NBPF26: variants seen among roughly 807,000 people sequenced by gnomAD.
NBPF26 encodes NBPF member 26, also known as NBPF family member NBPF26.
In NBPF26, 79 loss-of-function variants were observed where a neutral mutation model predicts 119.6. The ratio of observed to expected loss-of-function variants is 0.66; its 90% CI spans 0.55 to 0.80. NBPF26 has a LOEUF of 0.80. Ranked by LOEUF, NBPF26 falls within the 30% of genes least tolerant of loss-of-function variation. The probability of loss-of-function intolerance (pLI) is 0.00; values close to 1 mark genes in which losing one functional copy is unlikely to be tolerated. For synonymous variants in NBPF26, 299 were observed against 457.7 expected (o/e 0.65, Z 4.43); for missense variants, 800 against 1,198.2 (o/e 0.67, Z 4.91).
In NBPF26 at chr1:120,805,584, C is replaced by T. The variant is rs1553269692; in HGVS notation, c.780C>T (p.Asn260=). 4.7e-5 allele frequency: 68 copies of T among 1,454,648 alleles called. 15 individuals carry two copies. Among genetic ancestry groups the T allele is most frequent in the Middle Eastern group, 4.7e-4 (2 of 4,250 alleles). 90.1% of individuals were successfully genotyped at this position (1,454,648 alleles called of 1,614,324 possible). ...CTGACTCCACCTCTTCTGCCACAAACGTCAGCATGGTGGTATCAGCCGGCC... is the reference window on the plus strand; with the variant it reads ...CTGACTCCACCTCTTCTGCCACAAATGTCAGCATGGTGGTATCAGCCGGCC... The change falls in exon 5 of 30, where the codon AAC becomes AAT. Residue 260 remains asparagine (N), a synonymous_variant. Transcript: ENST00000620612.
At chr1:120,811,187 G>A (rs1651855330) in intron 9 of NBPF26, among the ~76,000 whole-genome samples, 1 of 105,800 alleles carries the variant, frequency 9.5e-6, no homozygotes, top group East Asian at 2.2e-4. Context: ...ACCGGAGCTT[G>A]CAGTGAGCCA....
chr1:120,808,782 T>A, intron 7 of NBPF26, 23 bp downstream of exon 7: 2 of 515,532 alleles, frequency 3.9e-6, no homozygotes, highest in South Asian at 4.0e-5. Context: ...TAGGCCCTGA[T>A]GACCCAAAAC....
At chr1:120,842,180 G>C (rs1370472658), downstream of NBPF26, among the ~76,000 whole-genome samples, 2 of 107,964 alleles carry the variant, frequency 1.9e-5, no homozygotes, top group Non-Finnish European at 3.5e-5. Flanking sequence ...GTTTTGGTGG[G>C]TACTGATGCG....
chr1:120,760,185 T>A, intron 1 of NBPF26, among the ~76,000 whole-genome samples: 1 of 51,722 alleles, frequency 1.9e-5, no homozygotes, highest in South Asian at 5.3e-4. Flanking sequence ...CACAGCTTTT[T>A]TTTTTTTTTT....
chr1:120,804,932 T>C (rs1202485278), intron 4 of NBPF26, among the ~76,000 whole-genome samples: 1 of 120,292 alleles, frequency 8.3e-6, no homozygotes, highest in Non-Finnish European at 1.6e-5. Context: ...GCTAAAAGTT[T>C]GATATCTTAC....
rs1285952382 is a variant in NBPF26 at position 120,778,298 on chromosome 1, C to T, written c.156-6676C>T. Among the ~76,000 whole-genome samples the T allele has an allele frequency of 5.9e-4, 38 of 64,944 alleles. 7 individuals carry two copies. Among genetic ancestry groups the T allele is most frequent in the Admixed American group, 1.9e-3 (13 of 6,684 alleles). The allele number at this position is 64,944 out of a possible 152,430, so 42.6% of individuals were successfully genotyped here. A position where few individuals can be genotyped will look rare whatever the true frequency, so the allele number is the denominator to read the frequency against. The stretch of plus-strand genomic sequence containing the variant: ...GCTCAGCTAGGGCAGGCTGCCACTG[C>T]GGATTGGGGGGCCAAGAGGCCCAGC... On this transcript the variant is annotated intron_variant, in intron 2 of 29. Transcript: ENST00000620612.
chr1:120,840,356 C>T lies in NBPF26; in HGVS notation c.4110C>T (p.Asn1370=), dbSNP rs1553273408. The T allele has an allele frequency of 5.0e-5, 73 of 1,450,060 alleles. 17 individuals carry two copies. In the African/African-American group the frequency reaches 1.5e-3, roughly 30 times the overall value. 89.8% of individuals were successfully genotyped at this position (1,450,060 alleles called of 1,614,324 possible). Residue 1370 remains asparagine, a synonymous_variant, in exon 30 of 30, where the codon AAC becomes AAT. Transcript: ENST00000620612. ...GTTTTGTCTCCTTTTGCAGGCTCAA[C>T]AGCATGCTGATGGAAGTGGAAGAGC...
At position 120,733,365 on chromosome 1, in the gene NBPF26, TTTAA is replaced by T. The variant is rs1319557380; in HGVS notation, c.73+9119_73+9122del. ...TTTGGTAAATTGTGTCTTTTACTCA[TTTAA>T]TTATTTTCTTACTGGTTTGAAAAAG... On this transcript the variant is annotated intron_variant, in intron 1 of 29. Transcript: ENST00000620612. Among the ~76,000 whole-genome samples, 2 of 80,144 alleles carry T rather than the reference TTTAA, an allele frequency of 2.5e-5. 1 individual carries two copies. The highest frequency in any genetic ancestry group is 4.3e-5 in the Non-Finnish European group (2 of 46,538). 52.6% of individuals were successfully genotyped at this position (80,144 alleles called of 152,430 possible).
Position 120,824,058 on chromosome 1 carries a change from T to A in NBPF26, c.2724T>A (p.Cys908Ter). 2.0e-6 allele frequency: 1 copy of A among 489,890 alleles called. No homozygotes were observed. The highest frequency in any genetic ancestry group is 3.4e-6 in the Non-Finnish European group (1 of 290,498). 30.3% of individuals were successfully genotyped at this position (489,890 alleles called of 1,614,324 possible). Reference sequence around the variant, plus strand: ...GATGTTATTCAACTCCTTCAGGTTGTCTTGAACTGACTGACTCATGCCAGC... The same window carrying A: ...GATGTTATTCAACTCCTTCAGGTTGACTTGAACTGACTGACTCATGCCAGC... The change falls in exon 18 of 30, where the codon TGT (cysteine) becomes TGA (stop). Residue 908 changes from cysteine to a stop codon, truncating the protein, a stop_gained. Coordinates refer to ENST00000620612, the Ensembl canonical transcript of NBPF26. LOFTEE classifies it high-confidence loss of function.
intron 1 of NBPF26, among the ~76,000 whole-genome samples, chr1:120,759,120 C>A (rs1354204409): frequency 4.4e-5 from 3 of 68,444 alleles, no homozygotes; most frequent in Non-Finnish European, 7.3e-5. Flanking sequence ...ATAGTAGATG[C>A]TTTCTAAATA....
rs1196417021 is a variant in NBPF26 at position 120,801,604 on chromosome 1, A to G, written c.752-3952A>G. ...CAGCACTTTTGGAGGCCTAGGTGGG[A>G]GGATCGCTTGAGGCCAGAAGTTCAA... is the stretch of plus-strand genomic sequence containing the variant. On this transcript the variant is annotated intron_variant, in intron 4 of 29. Coordinates refer to ENST00000620612, the Ensembl canonical transcript of NBPF26. 2.0e-5 allele frequency among the ~76,000 whole-genome samples: 2 copies of G among 100,146 alleles called. 1 individual carries two copies. Among genetic ancestry groups the G allele is most frequent in the African/African-American group, 1.3e-4 (2 of 15,318 alleles). 65.7% of individuals were successfully genotyped at this position (100,146 alleles called of 152,430 possible).
chr1:120,765,296 A>G (rs1651179030), intron 2 of NBPF26, among the ~76,000 whole-genome samples: 1 of 67,826 alleles, frequency 1.5e-5, no homozygotes, highest in South Asian at 4.6e-4. Context: ...TTGGTGCCTT[A>G]GTTGCTTGCT....
exon 10 of NBPF26, chr1:120,811,972 C>T: frequency 8.1e-7 from 1 of 1,236,230 alleles, no homozygotes; most frequent in Non-Finnish European, 1.1e-6. Flanking sequence ...GATAAACATT[C>T]TAGAAATCAA....
rs1356022604 is a variant in NBPF26, at chr1:120,790,108, C to T, written c.416-3053C>T. On this transcript the variant is annotated intron_variant, in intron 3 of 29. Transcript: ENST00000620612. ...TCGGTTCACTGCAAGTTCCACCTCC[C>T]GGGTTCACGCCATTCTTCTGCCTCA... Among the ~76,000 whole-genome samples, 9 of 94,348 alleles carry T rather than the reference C, an allele frequency of 9.5e-5. 1 individual carries two copies. The South Asian group carries it at 1.2e-3, about 13-fold the overall frequency. The allele number at this position is 94,348 out of a possible 152,430, so 61.9% of individuals were successfully genotyped here. A position where few individuals can be genotyped will look rare whatever the true frequency, so the allele number is the denominator to read the frequency against.
chr1:120,763,365 A>G (rs1651153376), intron 1 of NBPF26, among the ~76,000 whole-genome samples: 1 of 99,244 alleles, frequency 1.0e-5, no homozygotes, highest in Non-Finnish European at 1.8e-5. Context: ...TTTAATTGGG[A>G]GATGGAGATG....
intron 4 of NBPF26, among the ~76,000 whole-genome samples, chr1:120,801,112 C>T (rs1571031537): frequency 4.5e-5 from 3 of 66,370 alleles, no homozygotes; most frequent in Admixed American, 3.1e-4. Context: ...TTACCACCTA[C>T]CTTTAGGTCT....
intron 4 of NBPF26, among the ~76,000 whole-genome samples, chr1:120,804,682 T>TA (rs1446722181): frequency 4.2e-5 from 5 of 118,842 alleles, no homozygotes; most frequent in Non-Finnish European, 8.2e-5. Flanking sequence ...TCAGTGACAT[T>TA]AAAAAACACA....
At chr1:120,823,790 G>GTGTGTGTGTGTC in intron 17 of NBPF26, among the ~76,000 whole-genome samples, 184 bp from the exon 18 acceptor site, 1 of 109,786 alleles carries the variant, frequency 9.1e-6, no homozygotes, top group Non-Finnish European at 1.7e-5. Flanking sequence ...GTGTGTGTGT[G>GTGTGTGTGTGTC]TCTTTCATCT....
chr1:120,737,760 G>GGTGGA lies in NBPF26; in HGVS notation c.73+13513_73+13517dup, dbSNP rs1171016671. Among the ~76,000 whole-genome samples the GGTGGA allele has an allele frequency of 1.6e-5, 2 of 124,300 alleles. 1 individual carries two copies. The highest frequency in any genetic ancestry group is 7.7e-5 in the African/African-American group (2 of 26,020). The allele number at this position is 124,300 out of a possible 152,430, so 81.5% of individuals were successfully genotyped here. On this transcript the variant is annotated intron_variant, in intron 1 of 29. Coordinates refer to ENST00000620612, the Ensembl canonical transcript of NBPF26. ...ATTCAGAATTGGATTAGCCTGGACTGGTGGAGTTACTTTCTCAGAAAAGGG... is the reference window on the plus strand; with the variant it reads ...ATTCAGAATTGGATTAGCCTGGACTGGTGGAGTGGAGTTACTTTCTCAGAAAAGGG...
Sources: allele counts gnomAD v4.1 joint callset (sites outside exome capture counted in the v4.1 genomes callset), GRCh38; gene constraint gnomAD v4.1.1; transcripts MANE v1.5; gene names NCBI Gene and HGNC (gene_info 2026-07-23, HGNC 2026-07-21).